TMTC2: variants seen among roughly 807,000 people sequenced by gnomAD.
TMTC2 encodes protein O-mannosyl-transferase TMTC2.
TMTC2 carries 43 observed loss-of-function variants against 82.4 expected under a neutral mutation model. That is an observed-to-expected ratio of 0.52 (90% CI 0.41 to 0.67). The LOEUF is 0.67. Ranked by LOEUF, TMTC2 falls within the 30% of genes least tolerant of loss-of-function variation. The probability of loss-of-function intolerance (pLI) is 0.00; values close to 1 mark genes in which losing one functional copy is unlikely to be tolerated. For synonymous variants in TMTC2, 408 were observed against 381.9 expected (o/e 1.07, Z -0.80); for missense variants, 919 against 1,012.4 (o/e 0.91, Z 1.25).
chr12:82,821,943 C>T (rs1403874150), intron 1 of TMTC2, among the ~76,000 whole-genome samples: 1 of 150,552 alleles, frequency 6.6e-6, no homozygotes, highest in East Asian at 2.0e-4. Flanking sequence ...CTCTTGCAAG[C>T]TACTGTAAAA....
intron 3 of TMTC2, among the ~76,000 whole-genome samples, chr12:82,911,709 C>T (rs1319018525): frequency 2.0e-5 from 3 of 151,966 alleles, no homozygotes; most frequent in African/African-American, 4.8e-5. Flanking sequence ...GCAAGTGATT[C>T]GTGTGCCTCA....
intron 11 of TMTC2, among the ~76,000 whole-genome samples, chr12:83,104,096 G>T (rs1884319609): frequency 6.6e-6 from 1 of 152,234 alleles, no homozygotes; most frequent in South Asian, 2.1e-4. Context: ...AGGGCACACT[G>T]GTGCAAGGGA....
At chr12:82,916,148 A>G (rs1874985969) in intron 3 of TMTC2, among the ~76,000 whole-genome samples, 1 of 152,226 alleles carries the variant, frequency 6.6e-6, no homozygotes, top group African/African-American at 2.4e-5. Flanking sequence ...CTGAATTGGT[A>G]TAGTTGTTAC....
intron 1 of TMTC2, among the ~76,000 whole-genome samples, chr12:82,703,794 G>A (rs2136902479): frequency 6.6e-6 from 1 of 152,270 alleles, no homozygotes; most frequent in South Asian, 2.1e-4. Context: ...GCCAAAGATA[G>A]ATAGTTTCAA....
chr12:83,090,771 G>C (rs1240356024), intron 11 of TMTC2, among the ~76,000 whole-genome samples: 2 of 152,032 alleles, frequency 1.3e-5, no homozygotes, highest in Non-Finnish European at 2.9e-5. Flanking sequence ...TGTAATTCTA[G>C]CTACATCACT....
intron 11 of TMTC2, among the ~76,000 whole-genome samples, chr12:83,119,381 ATC>A (rs1342348060): frequency 1.3e-5 from 2 of 152,256 alleles, no homozygotes; most frequent in East Asian, 3.9e-4. Flanking sequence ...TTAAATTTTT[ATC>A]TTTATTTCAT....
In TMTC2 at chr12:82,900,955, AATAT is replaced by A. The variant is rs1310957007; in HGVS notation, c.1483+4317_1483+4320del. On this transcript the variant is annotated intron_variant, in intron 3 of 11. Coordinates refer to ENST00000321196, the MANE Select transcript of TMTC2 (RefSeq NM_152588.3). ...TATATAGGAATATATATATATCTGG[AATAT>A]ATATATAGGAATATATATATATCTG... Among the ~76,000 whole-genome samples the A allele has an allele frequency of 1.4e-4, 9 of 64,778 alleles. No individual in the cohort carries two copies. The East Asian group carries it at 2.1e-3, about 15-fold the overall frequency. The allele number at this position is 64,778 out of a possible 152,430, so 42.5% of individuals were successfully genotyped here.
chr12:83,028,627 C>CT (rs927339202), intron 8 of TMTC2, among the ~76,000 whole-genome samples: 34 of 148,336 alleles, frequency 2.3e-4, no homozygotes, highest in African/African-American at 4.2e-4. Context: ...TGCCTGTCCT[C>CT]TTTTTTTTTT....
intron 1 of TMTC2, among the ~76,000 whole-genome samples, chr12:82,752,220 C>T (rs1876049668): frequency 6.7e-6 from 1 of 148,324 alleles, no homozygotes; most frequent in African/African-American, 2.5e-5. Flanking sequence ...GGTGGTGACT[C>T]ACGCCTGTAA....
intron 1 of TMTC2, among the ~76,000 whole-genome samples, chr12:82,766,867 C>T (rs572448696): frequency 2.6e-5 from 4 of 152,250 alleles, no homozygotes; most frequent in South Asian, 2.1e-4. Context: ...GGCATGATCT[C>T]GGCTCACTGC....
chr12:82,714,800 A>G (rs1873816134), intron 1 of TMTC2, among the ~76,000 whole-genome samples: 1 of 152,186 alleles, frequency 6.6e-6, no homozygotes, highest in Admixed American at 6.5e-5. Flanking sequence ...CATAGAAACA[A>G]GGGAAGACCT....
intron 11 of TMTC2, among the ~76,000 whole-genome samples, chr12:83,113,166 A>G (rs1884649361): frequency 1.3e-5 from 2 of 152,092 alleles, no homozygotes; most frequent in Non-Finnish European, 2.9e-5. Flanking sequence ...TTCCTTTTTT[A>G]TATTAACAAG....
At chr12:82,872,683 A>G (rs1872263971) in intron 2 of TMTC2, among the ~76,000 whole-genome samples, 1 of 152,206 alleles carries the variant, frequency 6.6e-6, no homozygotes, top group Non-Finnish European at 1.5e-5. Context: ...TTTAATGTCC[A>G]GGAGTGTCCA....
At chr12:82,849,817 A>G (rs1439599435) in intron 1 of TMTC2, among the ~76,000 whole-genome samples, 2 of 152,150 alleles carry the variant, frequency 1.3e-5, no homozygotes, top group Non-Finnish European at 2.9e-5. Flanking sequence ...ATCCGGCTAC[A>G]CTAGGAATTG....
intron 1 of TMTC2, among the ~76,000 whole-genome samples, chr12:82,821,127 A>G (rs1216886879): frequency 2.0e-5 from 3 of 152,050 alleles, no homozygotes; most frequent in Non-Finnish European, 4.4e-5. Flanking sequence ...ACAAAATGCT[A>G]GGATTATAGG....
intron 11 of TMTC2, among the ~76,000 whole-genome samples, chr12:83,101,273 A>G (rs111264335): frequency 6.6e-6 from 1 of 152,178 alleles, no homozygotes; most frequent in East Asian, 1.9e-4. Flanking sequence ...CAAAGCTATA[A>G]ATTTTGTGTT....
At chr12:82,871,343 A>G (rs1465193923) in intron 2 of TMTC2, among the ~76,000 whole-genome samples, 1 of 150,618 alleles carries the variant, frequency 6.6e-6, no homozygotes, top group Non-Finnish European at 1.5e-5. Context: ...AGATCCAAGT[A>G]GTATTACAAA....
chr12:82,794,374 C>T (rs1003129283), intron 1 of TMTC2, among the ~76,000 whole-genome samples: 1 of 152,122 alleles, frequency 6.6e-6, no homozygotes, highest in Non-Finnish European at 1.5e-5. Flanking sequence ...AAAAAAGGGC[C>T]TGTGTTGGGG....
At position 82,788,141 on chromosome 12, in the gene TMTC2, G is replaced by A. The variant is rs1878277115; in HGVS notation, c.84-68869G>A. ...ACTGTAATGGATTTTCTTTAAAAAA[G>A]TCAGATCTGCTACTATATTTTAAAT... On this transcript the variant is annotated intron_variant, in intron 1 of 11. Transcript: ENST00000321196. 2.0e-5 allele frequency among the ~76,000 whole-genome samples: 3 copies of A among 151,864 alleles called. 1 individual carries two copies. The highest frequency in any genetic ancestry group is 7.3e-5 in the African/African-American group (3 of 41,356).
Sources: gnomAD v4.1 joint callset for allele counts (sites outside exome capture counted in the v4.1 genomes callset) on GRCh38, gnomAD v4.1.1 for gene constraint, MANE v1.5 for transcripts, NCBI Gene and HGNC (gene_info 2026-07-23, HGNC 2026-07-21) for gene names.